Variants in COL24A1 observed in about 807,000 individuals in gnomAD.
COL24A1 encodes the protein collagen type XXIV alpha 1 chain, also known as collagen alpha-1(XXIV) chain.
Under a neutral mutation model 253.9 loss-of-function variants are expected in COL24A1, and 224 were observed. The ratio of observed to expected loss-of-function variants is 0.88; its 90% confidence interval spans 0.79 to 0.99. The LOEUF (loss-of-function observed/expected upper bound fraction) is 0.99. Among genes scored for constraint, COL24A1 ranks in the 50% least tolerant of loss-of-function variants. The pLI is 0.00. For synonymous variants in COL24A1, 685 were observed against 673.7 expected, an observed-to-expected ratio of 1.02 and a Z score of -0.26; for missense variants, 2,131 against 2,068.5, an observed-to-expected ratio of 1.03 and a Z score of -0.59.
chr1:85,830,292 AG>A (rs1675038066), intron 43 of COL24A1, among the ~76,000 whole-genome samples: 2 of 152,076 alleles, frequency 1.3e-5, no homozygotes, highest in African/African-American at 4.8e-5. Flanking sequence ...TCAGATCTCC[AG>A]TTGCATGCTG....
In COL24A1 at chr1:85,961,248, C is replaced by G. The variant is rs751507789; in HGVS notation, c.2562+1G>C. The G allele has an allele frequency of 6.3e-7, 1 of 1,594,026 alleles. No individual in the cohort carries two copies. Among genetic ancestry groups the G allele is most frequent in the Non-Finnish European group, 8.6e-7 (1 of 1,162,610 alleles). The stretch of plus-strand genomic sequence containing the variant: ...AAAATAAGAGCATAAAATAAGCTTA[C>G]TGTTTCACCAATTTTTCCAATATTT... On this transcript the variant is annotated splice_donor_variant, in intron 24 of 59. Transcript: ENST00000370571. LOFTEE classifies it high-confidence loss of function.
intron 32 of COL24A1, among the ~76,000 whole-genome samples, chr1:85,888,934 T>A (rs553538374): frequency 6.6e-6 from 1 of 152,220 alleles, no homozygotes; most frequent in Non-Finnish European, 1.5e-5. Context: ...TATAGCACAT[T>A]ACATCTGACA....
At chr1:85,983,475 C>G (rs1025057972) in intron 20 of COL24A1, among the ~76,000 whole-genome samples, 2 of 151,892 alleles carry the variant, frequency 1.3e-5, no homozygotes, top group African/African-American at 4.8e-5. Context: ...AGAAAATGAA[C>G]AGAAAATAAA....
At chr1:86,072,626 G>A (rs1003006787) in intron 7 of COL24A1, among the ~76,000 whole-genome samples, 3 of 152,154 alleles carry the variant, frequency 2.0e-5, no homozygotes, top group Admixed American at 2.0e-4. Context: ...CACAGCACTC[G>A]AGCTCTACTA....
intron 19 of COL24A1, among the ~76,000 whole-genome samples, chr1:86,015,875 T>TACTTTTTC (rs1390951540): frequency 1.5e-5 from 2 of 129,276 alleles, no homozygotes; most frequent in African/African-American, 3.1e-5. Flanking sequence ...TTGAAGACTC[T>TACTTTTTC]ACTTTTTCTT....
rs546175508 is a variant in COL24A1 at position 85,816,178 on chromosome 1, T to G, written c.3951+610A>C. Among the ~76,000 whole-genome samples the G allele has an allele frequency of 2.0e-5, 3 of 152,248 alleles. No individual in the cohort carries two copies. The East Asian group carries it at 5.8e-4, about 29-fold the overall frequency. On this transcript the variant is annotated intron_variant, in intron 47 of 59. Coordinates refer to ENST00000370571, the MANE Select transcript of COL24A1 (RefSeq NM_152890.7). ...CCTTAGGGGATTAGTTCGAGCTAGC[T>G]GTGATTGTCCTCACAGGGGTAGACA...
intron 10 of COL24A1, 61 bp from the exon 11 acceptor site, chr1:86,050,238 C>T: frequency 6.9e-7 from 1 of 1,451,284 alleles, no homozygotes; most frequent in South Asian, 1.2e-5. Flanking sequence ...ATAAGTGATT[C>T]TGAATAGAAG....
chr1:85,924,222 G>A (rs1686906756), intron 24 of COL24A1, among the ~76,000 whole-genome samples: 1 of 152,132 alleles, frequency 6.6e-6, no homozygotes, highest in South Asian at 2.1e-4. Context: ...CGGATTCACA[G>A]CCAAATTCTA....
In COL24A1 at chr1:85,907,219, C is replaced by T. The variant is rs1684927040; in HGVS notation, c.2753G>A (p.Gly918Glu). 2 of 1,611,202 alleles carry T rather than the reference C, an allele frequency of 1.2e-6. No individual in the cohort carries two copies. The highest frequency in any genetic ancestry group is 1.1e-5 in the South Asian group (1 of 90,960). ...PGHVGARGPP[G>E]SQGPKGQRGS... ...TCTTTGTCCTTTAGGACCTTGACTCCCAGGTGGTCCTCTTGCCCCCACATG... is the reference window on the plus strand; with the variant it reads ...TCTTTGTCCTTTAGGACCTTGACTCTCAGGTGGTCCTCTTGCCCCCACATG... Residue 918 changes from glycine to glutamate, a missense_variant, in exon 28 of 60, where the codon GGG becomes GAG. Physicochemically the swap from Gly to Glu is moderately conservative, Grantham distance 98. Coordinates refer to ENST00000370571, the MANE Select transcript of COL24A1 (RefSeq NM_152890.7).
chr1:85,793,820 T>C (rs1670545714), intron 47 of COL24A1, among the ~76,000 whole-genome samples: 1 of 152,116 alleles, frequency 6.6e-6, no homozygotes, highest in Non-Finnish European at 1.5e-5. Context: ...AGAAAAGACA[T>C]AGGTGTTATA....
At chr1:86,070,522 C>T (rs1701804478) in intron 7 of COL24A1, among the ~76,000 whole-genome samples, 1 of 152,072 alleles carries the variant, frequency 6.6e-6, no homozygotes, top group African/African-American at 2.4e-5. Context: ...AAAAGACTAC[C>T]TCAAGGTATT....
intron 43 of COL24A1, among the ~76,000 whole-genome samples, chr1:85,836,304 T>G (rs1241567563): frequency 2.6e-5 from 4 of 152,236 alleles, no homozygotes; most frequent in African/African-American, 9.6e-5. Flanking sequence ...GAAGAAAAGA[T>G]ATTTTTCCTC....
At chr1:86,094,613 C>T (rs55729234) in intron 5 of COL24A1, among the ~76,000 whole-genome samples, 7,904 of 151,864 alleles carry the variant, frequency 0.052, 245 homozygotes, top group Middle Eastern at 0.095. Context: ...CACATGTACC[C>T]CTGAACTTCA....
chr1:85,896,654 C>T (rs576231213), intron 28 of COL24A1, among the ~76,000 whole-genome samples: 2 of 152,240 alleles, frequency 1.3e-5, no homozygotes, highest in East Asian at 1.9e-4. Context: ...CTCGCCACCA[C>T]GCCTGGCTAA....
chr1:85,730,198 G>T lies in COL24A1; in HGVS notation c.*348C>A, dbSNP rs989166121. On this transcript the variant is annotated 3_prime_UTR_variant, in exon 60 of 60. Transcript: ENST00000370571. ...ACATCTGGAAGCATTAGCCAGTATT[G>T]CTCCATAGTGCTCTGCATCTCCAGC... The T allele has an allele frequency of 4.1e-5, 7 of 170,886 alleles. No individual in the cohort carries two copies. The highest frequency in any genetic ancestry group is 1.5e-4 in the East Asian group (1 of 6,672). The allele number at this position is 170,886 out of a possible 1,614,324, so 10.6% of individuals were successfully genotyped here. A position where few individuals can be genotyped will look rare whatever the true frequency, so the allele number is the denominator to read the frequency against.
At chr1:86,010,365 G>C (rs1696379807) in intron 19 of COL24A1, among the ~76,000 whole-genome samples, 1 of 152,030 alleles carries the variant, frequency 6.6e-6, no homozygotes, top group Non-Finnish European at 1.5e-5. Flanking sequence ...TAAACATTTA[G>C]AGTAAAATGA....
chr1:85,985,543 C>A (rs1693653633), intron 20 of COL24A1, among the ~76,000 whole-genome samples: 2 of 151,780 alleles, frequency 1.3e-5, no homozygotes, highest in Admixed American at 1.3e-4. Context: ...ATTATTCCAT[C>A]TGCAGCTGGA....
chr1:86,133,809 C>T (rs1649732307), intron 2 of COL24A1, among the ~76,000 whole-genome samples: 1 of 151,594 alleles, frequency 6.6e-6, no homozygotes, highest in Non-Finnish European at 1.5e-5. Context: ...GTCTAAAATT[C>T]TTTTTTTGTT....
intron 24 of COL24A1, among the ~76,000 whole-genome samples, chr1:85,918,726 C>T (rs889666933): frequency 1.3e-5 from 2 of 152,124 alleles, no homozygotes; most frequent in African/African-American, 4.8e-5. Context: ...TTGTAAGATA[C>T]ACCAATATTT....
Sources: allele counts gnomAD v4.1 joint callset (sites outside exome capture counted in the v4.1 genomes callset), GRCh38; gene constraint gnomAD v4.1.1; transcripts MANE v1.5; gene names NCBI Gene and HGNC (gene_info 2026-07-23, HGNC 2026-07-21).